Variants in PDGFRA observed in about 807,000 individuals in gnomAD.
The protein encoded by PDGFRA is platelet derived growth factor receptor alpha.
A neutral mutation model predicts 121.5 loss-of-function variants in PDGFRA; 25 were observed. The ratio of observed to expected loss-of-function variants is 0.21; its 90% CI spans 0.15 to 0.29. PDGFRA has a LOEUF of 0.29. Ranked by LOEUF, PDGFRA falls within the 10% of genes least tolerant of loss-of-function variation. The probability of loss-of-function intolerance (pLI) is 1.00; values close to 1 mark genes in which losing one functional copy is unlikely to be tolerated. For synonymous variants in PDGFRA, 463 were observed against 494.8 expected (o/e 0.94, Z 0.85); for missense variants, 1,008 against 1,345.1 (o/e 0.75, Z 3.92).
chr4:54,290,270 G>T (rs974289000), intron 21 of PDGFRA, 43 bp from the exon 22 acceptor site: 16 of 1,520,996 alleles, frequency 1.1e-5, no homozygotes, highest in Non-Finnish European at 1.5e-5. Context: ...TTTGAGGTTT[G>T]GTTGTTAACA....
chr4:54,283,104 G>C (rs868626511), intron 16 of PDGFRA, among the ~76,000 whole-genome samples: 12 of 152,150 alleles, frequency 7.9e-5, no homozygotes, highest in Admixed American at 3.3e-4. Flanking sequence ...GGCTGTTGGT[G>C]GATATATTAT....
At chr4:54,254,706 T>G (rs1722258608) in intron 1 of PDGFRA, among the ~76,000 whole-genome samples, 1 of 152,184 alleles carries the variant, frequency 6.6e-6, no homozygotes, top group Admixed American at 6.5e-5. Context: ...GAGGCTGATA[T>G]TTACATGTAG....
At chr4:54,235,966 C>T (rs1350558600) in intron 1 of PDGFRA, among the ~76,000 whole-genome samples, 1 of 152,172 alleles carries the variant, frequency 6.6e-6, no homozygotes, top group Non-Finnish European at 1.5e-5. Context: ...TGATTTCCAT[C>T]CTTTCTTCTG....
intron 1 of PDGFRA, among the ~76,000 whole-genome samples, chr4:54,235,854 AG>A (rs2110175848): frequency 6.6e-6 from 1 of 152,402 alleles, no homozygotes; most frequent in African/African-American, 2.4e-5. Flanking sequence ...CCACAGGGCA[AG>A]CAACCAGTCA....
At chr4:54,248,027 C>T (rs1202851094) in intron 1 of PDGFRA, among the ~76,000 whole-genome samples, 1 of 152,170 alleles carries the variant, frequency 6.6e-6, no homozygotes, top group Admixed American at 6.5e-5. Flanking sequence ...TGAAGGACCT[C>T]TTCAAGAACT....
intron 22 of PDGFRA, among the ~76,000 whole-genome samples, chr4:54,291,697 A>T (rs1195539583): frequency 6.6e-6 from 1 of 152,242 alleles, no homozygotes; most frequent in Non-Finnish European, 1.5e-5. Context: ...AAATTAGTTC[A>T]GCTATTGTGG....
At chr4:54,287,851 T>C (rs1381245499) in intron 19 of PDGFRA, among the ~76,000 whole-genome samples, 1 of 152,170 alleles carries the variant, frequency 6.6e-6, no homozygotes, top group Non-Finnish European at 1.5e-5. Flanking sequence ...CAGCTGCTTT[T>C]TCATTTTGGG....
intron 3 of PDGFRA, among the ~76,000 whole-genome samples, chr4:54,262,459 T>C (rs1722803638): frequency 6.6e-6 from 1 of 152,226 alleles, no homozygotes; most frequent in Admixed American, 6.5e-5. Flanking sequence ...GGACTATGGC[T>C]AGAATCCTTG....
At chr4:54,250,685 G>A (rs1256286376) in intron 1 of PDGFRA, among the ~76,000 whole-genome samples, 6 of 152,166 alleles carry the variant, frequency 3.9e-5, no homozygotes, top group Admixed American at 3.9e-4. Context: ...CAATTGTCTT[G>A]TTTTAATCCT....
chr4:54,235,868 C>T (rs1720980374), intron 1 of PDGFRA, among the ~76,000 whole-genome samples: 1 of 152,238 alleles, frequency 6.6e-6, no homozygotes, highest in African/African-American at 2.4e-5. Flanking sequence ...ACCAGTCAGG[C>T]CTTGGTAGTC....
chr4:54,254,816 C>T (rs1722269370), intron 1 of PDGFRA, among the ~76,000 whole-genome samples: 1 of 152,184 alleles, frequency 6.6e-6, no homozygotes, highest in African/African-American at 2.4e-5. Context: ...CAGGCACATG[C>T]CGGGCTCCTC....
At chr4:54,252,599 A>G (rs1156373278) in intron 1 of PDGFRA, among the ~76,000 whole-genome samples, 2 of 152,154 alleles carry the variant, frequency 1.3e-5, no homozygotes, top group Non-Finnish European at 2.9e-5. Flanking sequence ...CAGAAAAAAA[A>G]GAAGATGTGT....
intron 10 of PDGFRA, among the ~76,000 whole-genome samples, chr4:54,273,976 C>A (rs147895768): frequency 3.3e-5 from 5 of 152,274 alleles, no homozygotes; most frequent in African/African-American, 1.2e-4. Context: ...CTACCTAGGA[C>A]GTTGTTTTAG....
At chr4:54,266,685 C>A (rs1723045604) in intron 5 of PDGFRA, among the ~76,000 whole-genome samples, 1 of 152,130 alleles carries the variant, frequency 6.6e-6, no homozygotes, top group Admixed American at 6.5e-5. Flanking sequence ...CATTAACTGT[C>A]CTTTTAAAAA....
At chr4:54,289,805 G>C (rs192388848) in intron 21 of PDGFRA, among the ~76,000 whole-genome samples, 1 of 152,226 alleles carries the variant, frequency 6.6e-6, no homozygotes, top group Non-Finnish European at 1.5e-5. Flanking sequence ...AGGTGAGGCA[G>C]TGAGGAGGCA....
chr4:54,236,718 G>T (rs542007299), intron 1 of PDGFRA, among the ~76,000 whole-genome samples: 1 of 152,010 alleles, frequency 6.6e-6, no homozygotes, highest in Non-Finnish European at 1.5e-5. Flanking sequence ...CAGGAGAATC[G>T]CTTGAACTTG....
chr4:54,253,504 G>A (rs1722179992), intron 1 of PDGFRA, among the ~76,000 whole-genome samples: 1 of 152,160 alleles, frequency 6.6e-6, no homozygotes, highest in Non-Finnish European at 1.5e-5. Flanking sequence ...AGTCAACAGA[G>A]CAGGGGTCTC....
chr4:54,271,780 C>T (rs1433047472), intron 8 of PDGFRA, among the ~76,000 whole-genome samples: 5 of 145,120 alleles, frequency 3.4e-5, no homozygotes, highest in African/African-American at 1.3e-4. Flanking sequence ...TCCTTCCTTC[C>T]TTCCTCCCTC....
rs1721320703 is a variant in PDGFRA at position 54,241,896 on chromosome 4, TGTTAAAACAA to T, written c.-13+12485_-13+12494del. Among the ~76,000 whole-genome samples the T allele has an allele frequency of 2.6e-5, 4 of 152,330 alleles. No homozygotes were observed. The South Asian group carries it at 8.3e-4, about 32-fold the overall frequency. ...ACTCTATCTAAATTTTGGTGCCCTA[TGTTAAAACAA>T]GTTTTTCTTCAAGTATTGGTTTGCT... On this transcript the variant is annotated intron_variant, in intron 1 of 22. Coordinates refer to ENST00000257290, the MANE Select transcript of PDGFRA (RefSeq NM_006206.6).
Sources: allele counts gnomAD v4.1 joint callset (sites outside exome capture counted in the v4.1 genomes callset), GRCh38; gene constraint gnomAD v4.1.1; transcripts MANE v1.5; gene names NCBI Gene and HGNC (gene_info 2026-07-23, HGNC 2026-07-21).